ARFGEF2: variants seen among roughly 807,000 people sequenced by gnomAD.
The protein encoded by ARFGEF2 is brefeldin A-inhibited guanine nucleotide-exchange protein 2.
ARFGEF2 carries 74 observed loss-of-function variants against 219.9 expected under a neutral mutation model. The ratio of observed to expected loss-of-function variants is 0.34; its 90% CI spans 0.28 to 0.41. ARFGEF2 has a LOEUF of 0.41. Ranked by LOEUF, ARFGEF2 falls within the 10% of genes least tolerant of loss-of-function variation. The pLI is 1.00. For synonymous variants in ARFGEF2, 733 were observed against 799.2 expected, an observed-to-expected ratio of 0.92 and a Z score of 1.40; for missense variants, 1,743 against 2,218.3, an observed-to-expected ratio of 0.79 and a Z score of 4.30.
chr20:49,018,218 A>AT (rs1249455032), intron 33 of ARFGEF2, among the ~76,000 whole-genome samples: 18 of 152,124 alleles, frequency 1.2e-4, no homozygotes, highest in Non-Finnish European at 1.5e-5. Flanking sequence ...CTGCTGTTAA[A>AT]TTTTTTTATT....
intron 1 of ARFGEF2, among the ~76,000 whole-genome samples, chr20:48,934,271 C>T (rs1320516954): frequency 6.6e-6 from 1 of 152,016 alleles, no homozygotes; most frequent in East Asian, 1.9e-4. Flanking sequence ...TCAGGCTGTG[C>T]CATGCTATCT....
At chr20:48,960,579 G>T (rs1340463946) in intron 6 of ARFGEF2, among the ~76,000 whole-genome samples, 2 of 151,762 alleles carry the variant, frequency 1.3e-5, no homozygotes, top group African/African-American at 4.8e-5. Flanking sequence ...CACCTCCCAG[G>T]TTCAAGTGAT....
chr20:48,965,009 A>G (rs532694017), intron 7 of ARFGEF2, among the ~76,000 whole-genome samples: 1 of 152,202 alleles, frequency 6.6e-6, no homozygotes, highest in Non-Finnish European at 1.5e-5. Flanking sequence ...TTTGAAAGCC[A>G]CTTTTCTAAG....
intron 12 of ARFGEF2, 44 bp from the exon 13 acceptor site, chr20:48,974,722 C>G: frequency 6.6e-7 from 1 of 1,523,906 alleles, no homozygotes. Context: ...CTGTTCTCTT[C>G]ATTTTTCTGT....
chr20:49,007,075 A>G (rs2091465579), intron 26 of ARFGEF2, among the ~76,000 whole-genome samples: 1 of 152,044 alleles, frequency 6.6e-6, no homozygotes, highest in Non-Finnish European at 1.5e-5. Context: ...CATTAGGATG[A>G]GGTAGGAGGC....
intron 21 of ARFGEF2, 27 bp from the exon 22 acceptor site, chr20:48,994,424 C>T: frequency 6.2e-7 from 1 of 1,613,468 alleles, no homozygotes. Flanking sequence ...GGTAGGAACT[C>T]ATTTCTTCAT....
At chr20:48,926,560 G>A (rs1287029081) in intron 1 of ARFGEF2, among the ~76,000 whole-genome samples, 7 of 152,028 alleles carry the variant, frequency 4.6e-5, no homozygotes, top group African/African-American at 1.7e-4. Flanking sequence ...CCTGGCTCAG[G>A]TGATCCTCCC....
intron 18 of ARFGEF2, 42 bp from the exon 19 acceptor site, chr20:48,989,243 T>C: frequency 1.2e-6 from 2 of 1,612,784 alleles, no homozygotes; most frequent in Non-Finnish European, 1.7e-6. Context: ...TAGCCAGCCC[T>C]CAGTGACTGC....
chr20:48,939,131 C>T (rs1279415805), intron 1 of ARFGEF2, among the ~76,000 whole-genome samples: 7 of 151,782 alleles, frequency 4.6e-5, no homozygotes, highest in Non-Finnish European at 1.0e-4. Flanking sequence ...TGTGGTACCA[C>T]GCCCTGCTAA....
chr20:49,016,326 T>C lies in ARFGEF2; in HGVS notation c.4226T>C (p.Ile1409Thr). 1.2e-6 allele frequency: 2 copies of C among 1,614,052 alleles called. No individual in the cohort carries two copies. Among genetic ancestry groups the C allele is most frequent in the Non-Finnish European group, 1.7e-6 (2 of 1,179,970 alleles). The change falls in exon 31 of 39, where the codon ATT becomes ACT. Residue 1409 changes from isoleucine (I) to threonine (T), a missense_variant. Ile to Thr is a moderately conservative substitution (Grantham distance 89, BLOSUM62 -1). Transcript: ENST00000371917. Reference protein sequence around the residue: ...TTTCNHALYAICDVFTQFYEA... With the variant: ...TTTCNHALYATCDVFTQFYEA... ...ACCTGCAATCACGCACTTTATGCTATTTGTGATGTTTTTACCCAGTTTTAT... is the reference window on the plus strand; with the variant it reads ...ACCTGCAATCACGCACTTTATGCTACTTGTGATGTTTTTACCCAGTTTTAT...
At chr20:48,967,161 T>C (rs2091193277) in intron 8 of ARFGEF2, among the ~76,000 whole-genome samples, 1 of 152,080 alleles carries the variant, frequency 6.6e-6, no homozygotes, top group Non-Finnish European at 1.5e-5. Flanking sequence ...AATGTTTTTT[T>C]CCCCCCTTGA....
chr20:48,973,560 A>T (rs976083164), intron 12 of ARFGEF2, among the ~76,000 whole-genome samples: 75 of 152,196 alleles, frequency 4.9e-4, no homozygotes, highest in African/African-American at 1.7e-3. Flanking sequence ...AGTATCCCTT[A>T]GAAGGTGACC....
At chr20:48,964,113 G>A (rs1321013058) in intron 7 of ARFGEF2, among the ~76,000 whole-genome samples, 1 of 152,160 alleles carries the variant, frequency 6.6e-6, no homozygotes, top group Non-Finnish European at 1.5e-5. Context: ...GTTGGGTTTA[G>A]GAAACATAGT....
At chr20:48,942,651 A>T (rs1183089926) in intron 3 of ARFGEF2, among the ~76,000 whole-genome samples, 1 of 151,694 alleles carries the variant, frequency 6.6e-6, no homozygotes, top group African/African-American at 2.4e-5. Context: ...AGCCCGGCTA[A>T]TTTTTTGTAT....
chr20:48,927,044 G>A lies in ARFGEF2; in HGVS notation c.121+5034G>A, dbSNP rs1334110538. Among the ~76,000 whole-genome samples the A allele has an allele frequency of 2.0e-5, 3 of 152,216 alleles. No homozygotes were observed. The East Asian group carries it at 5.8e-4, about 29-fold the overall frequency. Reference sequence around the variant, plus strand: ...CATGGGTTGAGGCGTGGGAGGTGAGGAAACAGATGGTGAGCATAGTCAGCT... The same window carrying A: ...CATGGGTTGAGGCGTGGGAGGTGAGAAAACAGATGGTGAGCATAGTCAGCT... On this transcript the variant is annotated intron_variant, in intron 1 of 38. Coordinates refer to ENST00000371917, the MANE Select transcript of ARFGEF2 (RefSeq NM_006420.3).
intron 1 of ARFGEF2, among the ~76,000 whole-genome samples, chr20:48,932,666 G>C (rs1486966619): frequency 6.6e-6 from 1 of 152,190 alleles, no homozygotes; most frequent in Non-Finnish European, 1.5e-5. Flanking sequence ...GGAAAGCCGA[G>C]AGGTTGGCCA....
chr20:48,989,716 C>T (rs2091346610), intron 20 of ARFGEF2, 32 bp downstream of exon 20: 7 of 1,613,574 alleles, frequency 4.3e-6, no homozygotes, highest in Non-Finnish European at 5.9e-6. Flanking sequence ...TCCAGAGATA[C>T]TGGTGGGTTG....
At chr20:48,935,810 C>T (rs866135377) in intron 1 of ARFGEF2, among the ~76,000 whole-genome samples, 5,342 of 139,082 alleles carry the variant, frequency 0.038, 134 homozygotes, top group Non-Finnish European at 0.056. Context: ...GGCGGCTGGC[C>T]GGGCGGGGGG....
intron 18 of ARFGEF2, 28 bp downstream of exon 18, chr20:48,988,690 T>G: frequency 5.0e-6 from 8 of 1,605,542 alleles, no homozygotes; most frequent in Non-Finnish European, 6.8e-6. Flanking sequence ...ATTATTTCTT[T>G]TAGTTCTAAT....
Sources: gnomAD v4.1 joint callset for allele counts (sites outside exome capture counted in the v4.1 genomes callset) on GRCh38, gnomAD v4.1.1 for gene constraint, MANE v1.5 for transcripts, NCBI Gene and HGNC (gene_info 2026-07-23, HGNC 2026-07-21) for gene names.